PRIM2: variants seen among roughly 807,000 people sequenced by gnomAD.
PRIM2 encodes DNA primase subunit 2.
In PRIM2, 39 loss-of-function variants were observed where a neutral mutation model predicts 67.3. The observed-to-expected ratio is 0.58, with a 90% CI of 0.45 to 0.76. PRIM2 has a LOEUF of 0.76. Among genes scored for constraint, PRIM2 ranks in the 30% least tolerant of loss-of-function variants. The pLI, the probability that PRIM2 is intolerant of heterozygous loss-of-function variation, is 0.00. For missense variants in PRIM2, 398 were observed against 598.7 expected, an observed-to-expected ratio of 0.66 and a Z score of 3.50; for synonymous variants, 143 against 198.7, an observed-to-expected ratio of 0.72 and a Z score of 2.36.
chr6:57,624,565 T>C (rs1776913405), intron 12 of PRIM2, among the ~76,000 whole-genome samples: 1 of 152,186 alleles, frequency 6.6e-6, no homozygotes, highest in African/African-American at 2.4e-5. Context: ...ATGCTTCATA[T>C]AAGAAGTGAC....
intron 10 of PRIM2, among the ~76,000 whole-genome samples, chr6:57,540,527 T>TAA (rs1187661250): frequency 2.6e-5 from 4 of 152,184 alleles, no homozygotes; most frequent in Non-Finnish European, 4.4e-5. Flanking sequence ...TTTCTGGTGA[T>TAA]ATGCAACAAT....
At chr6:57,445,329 C>T (rs1008667153) in intron 7 of PRIM2, among the ~76,000 whole-genome samples, 2 of 152,044 alleles carry the variant, frequency 1.3e-5, no homozygotes, top group African/African-American at 4.8e-5. Flanking sequence ...TATATGAGTA[C>T]GTAACAAAAT....
intron 7 of PRIM2, among the ~76,000 whole-genome samples, chr6:57,392,653 A>C (rs1734069307): frequency 6.6e-6 from 1 of 151,260 alleles, no homozygotes; most frequent in East Asian, 1.9e-4. Flanking sequence ...TTTTTTGTGG[A>C]TATCCAAATT....
intron 7 of PRIM2, among the ~76,000 whole-genome samples, chr6:57,502,848 G>T (rs1774167541): frequency 6.6e-6 from 1 of 152,204 alleles, no homozygotes; most frequent in Non-Finnish European, 1.5e-5. Flanking sequence ...TGTTTCTTTT[G>T]AACCAGGAGG....
At chr6:57,373,803 A>G (rs1307978140) in intron 5 of PRIM2, among the ~76,000 whole-genome samples, 6 of 152,196 alleles carry the variant, frequency 3.9e-5, no homozygotes, top group South Asian at 2.1e-4. Flanking sequence ...CCATTGGTCT[A>G]TGTGCCTGTT....
At chr6:57,264,401 C>T in the PRIM2 span, among the ~76,000 whole-genome samples, 587 of 152,076 alleles carry the variant, frequency 3.9e-3, 4 homozygotes, top group East Asian at 0.03. Context: ...CCTGATTTAT[C>T]GCACTGATTT....
At chr6:57,273,862 G>T in the PRIM2 span, among the ~76,000 whole-genome samples, 1 of 152,196 alleles carries the variant, frequency 6.6e-6, no homozygotes, top group African/African-American at 2.4e-5. Context: ...TACCTCAGCT[G>T]CAGGTCTGTT....
intron 7 of PRIM2, among the ~76,000 whole-genome samples, chr6:57,406,373 C>T (rs1382456299): frequency 6.6e-6 from 1 of 152,086 alleles, no homozygotes; most frequent in Non-Finnish European, 1.5e-5. Context: ...TGCACATATA[C>T]GTTTAGGAAT....
intron 10 of PRIM2, among the ~76,000 whole-genome samples, chr6:57,551,541 A>G (rs1775403254): frequency 6.6e-6 from 1 of 152,228 alleles, no homozygotes; most frequent in Non-Finnish European, 1.5e-5. Context: ...TATCTCAGAC[A>G]TAACCTGCCT....
intron 7 of PRIM2, among the ~76,000 whole-genome samples, chr6:57,499,233 A>G (rs1315057587): frequency 6.6e-6 from 1 of 152,254 alleles, no homozygotes; most frequent in African/African-American, 2.4e-5. Context: ...TAAGAATGGC[A>G]CATGCCCGAC....
chr6:57,363,372 A>G (rs1028848679), intron 5 of PRIM2, among the ~76,000 whole-genome samples: 2 of 152,200 alleles, frequency 1.3e-5, no homozygotes, highest in African/African-American at 4.8e-5. Context: ...AAAACATTAA[A>G]TGTTCATCTT....
At chr6:57,488,287 T>G (rs1773799572) in intron 7 of PRIM2, among the ~76,000 whole-genome samples, 1 of 152,208 alleles carries the variant, frequency 6.6e-6, no homozygotes, top group Non-Finnish European at 1.5e-5. Context: ...GAATGGCCAA[T>G]AAGTTTTCTG....
intron 8 of PRIM2, among the ~76,000 whole-genome samples, chr6:57,512,426 A>G (rs1774390132): frequency 1.3e-5 from 2 of 152,328 alleles, no homozygotes; most frequent in Non-Finnish European, 2.9e-5. Context: ...GGGATAGGCC[A>G]GGAAATCAAA....
chr6:57,326,834 AAAG>A (rs1371431997), intron 5 of PRIM2, among the ~76,000 whole-genome samples: 1 of 152,014 alleles, frequency 6.6e-6, no homozygotes, highest in Non-Finnish European at 1.5e-5. Flanking sequence ...TTATATAAAA[AAAG>A]AAGAGATCTT....
chr6:57,333,323 A>G (rs1233365033), intron 5 of PRIM2, among the ~76,000 whole-genome samples: 1 of 152,106 alleles, frequency 6.6e-6, no homozygotes, highest in Admixed American at 6.6e-5. Flanking sequence ...TGTTGGGAAT[A>G]TTTTTTATTG....
chr6:57,558,674 G>T (rs2127477417), intron 10 of PRIM2, among the ~76,000 whole-genome samples: 1 of 146,144 alleles, frequency 6.8e-6, no homozygotes, highest in East Asian at 2.1e-4. Flanking sequence ...TATATATATA[G>T]AAGTTAGAAA....
chr6:57,458,744 T>C (rs1231870156), intron 7 of PRIM2, among the ~76,000 whole-genome samples: 4 of 152,162 alleles, frequency 2.6e-5, no homozygotes, highest in African/African-American at 9.7e-5. Flanking sequence ...ATGAAAACAC[T>C]AGTGACTCTT....
At chr6:57,239,544 G>T in the PRIM2 span, among the ~76,000 whole-genome samples, 1 of 152,018 alleles carries the variant, frequency 6.6e-6, no homozygotes, top group Admixed American at 6.6e-5. Context: ...AGACCAGCCT[G>T]GGCAACATGG....
At chr6:57,463,114 G>A (rs1773061031) in intron 7 of PRIM2, among the ~76,000 whole-genome samples, 1 of 152,164 alleles carries the variant, frequency 6.6e-6, no homozygotes. Flanking sequence ...AGGGGTGGTG[G>A]GAAAAGCACT....
Sources: allele counts gnomAD v4.1 joint callset (sites outside exome capture counted in the v4.1 genomes callset), GRCh38; gene constraint gnomAD v4.1.1; transcripts MANE v1.5; gene names NCBI Gene and HGNC (gene_info 2026-07-23, HGNC 2026-07-21).